Variants in HBS1L observed in about 807,000 individuals in gnomAD.
HBS1L encodes HBS1 like translational GTPase, also known as HBS1-like protein.
Under a neutral mutation model 88.9 loss-of-function variants are expected in HBS1L, and 55 were observed. The ratio of observed to expected loss-of-function variants is 0.62; its 90% CI spans 0.50 to 0.77. The LOEUF is 0.77. Among genes scored for constraint, HBS1L ranks in the 30% least tolerant of loss-of-function variants. The probability of loss-of-function intolerance (pLI) is 0.00; values close to 1 mark genes in which losing one functional copy is unlikely to be tolerated. For missense variants in HBS1L, 741 were observed against 829.3 expected (o/e 0.89, Z 1.31); for synonymous variants, 267 against 288.5 (o/e 0.93, Z 0.76).
intron 4 of HBS1L, among the ~76,000 whole-genome samples, chr6:135,031,280 T>A (rs772313309): frequency 6.6e-6 from 1 of 152,082 alleles, no homozygotes; most frequent in African/African-American, 2.4e-5. Flanking sequence ...ATTCACTGAT[T>A]GATGAAAATG....
At chr6:135,049,821 C>T (rs902177048) in intron 2 of HBS1L, among the ~76,000 whole-genome samples, 7 of 152,252 alleles carry the variant, frequency 4.6e-5, no homozygotes, top group Non-Finnish European at 7.3e-5. Context: ...ATCCACCTGC[C>T]TCGGCCTCCC....
At chr6:134,984,755 G>C (rs1774931612) in intron 12 of HBS1L, among the ~76,000 whole-genome samples, 1 of 152,066 alleles carries the variant, frequency 6.6e-6, no homozygotes, top group African/African-American at 2.4e-5. Flanking sequence ...CTTCCAGCAA[G>C]CTCTGAACCT....
chr6:135,043,281 A>G (rs1262069435), intron 2 of HBS1L, among the ~76,000 whole-genome samples: 1 of 152,260 alleles, frequency 6.6e-6, no homozygotes, highest in Non-Finnish European at 1.5e-5. Context: ...AAATATAGAT[A>G]TAATATTCAA....
chr6:134,997,788 T>A, intron 5 of HBS1L, 132 bp from the exon 6 acceptor site: 1 of 809,128 alleles, frequency 1.2e-6, no homozygotes, highest in Non-Finnish European at 2.0e-6. Context: ...GCTAAGTAGC[T>A]AAAGTCTGTT....
At chr6:134,999,415 T>C (rs183337333) in intron 5 of HBS1L, among the ~76,000 whole-genome samples, 504 of 151,858 alleles carry the variant, frequency 3.3e-3, no homozygotes, top group Non-Finnish European at 4.2e-3. Flanking sequence ...GCTTTCAGGA[T>C]AGCATTTTCA....
At chr6:134,993,474 T>C (rs1256882918) in intron 8 of HBS1L, among the ~76,000 whole-genome samples, 1 of 152,130 alleles carries the variant, frequency 6.6e-6, no homozygotes, top group South Asian at 2.1e-4. Flanking sequence ...AAAGGAAATA[T>C]GAAGCTATAC....
At chr6:134,972,069 T>C (rs908576338) in intron 15 of HBS1L, among the ~76,000 whole-genome samples, 1 of 152,230 alleles carries the variant, frequency 6.6e-6, no homozygotes, top group Non-Finnish European at 1.5e-5. Context: ...CCTTCTGTTA[T>C]GTAACTTGTA....
intron 4 of HBS1L, among the ~76,000 whole-genome samples, chr6:135,025,986 C>G (rs1017712908): frequency 1.2e-4 from 18 of 152,120 alleles, no homozygotes; most frequent in African/African-American, 4.1e-4. Context: ...ATCGAGGTAG[C>G]TAGTTAGCAA....
At chr6:134,972,253 C>T (rs4896119) in intron 15 of HBS1L, among the ~76,000 whole-genome samples, 71,938 of 151,934 alleles carry the variant, frequency 0.47, 17,285 homozygotes, top group South Asian at 0.56. Context: ...CCAAGTAAAT[C>T]ATTTTCCTTA....
rs1008348064 is a variant in HBS1L at position 134,975,039 on chromosome 6, G to T, written c.1797+3640C>A. On this transcript the variant is annotated intron_variant, in intron 15 of 17. Transcript: ENST00000367837. ...AAAGATTCCTCCCAAACAACACCTAGATTTGATAAATGAATTCAGTAAAGT... is the reference window on the plus strand; with the variant it reads ...AAAGATTCCTCCCAAACAACACCTATATTTGATAAATGAATTCAGTAAAGT... Among the ~76,000 whole-genome samples, 5 of 152,106 alleles carry T rather than the reference G, an allele frequency of 3.3e-5. No homozygotes were observed. The South Asian group carries it at 8.3e-4, about 25-fold the overall frequency.
chr6:135,041,502 T>C (rs541268166), intron 3 of HBS1L, among the ~76,000 whole-genome samples: 5 of 152,242 alleles, frequency 3.3e-5, no homozygotes, highest in South Asian at 2.1e-4. Flanking sequence ...AAGTTCTATC[T>C]TGAAACTTAA....
At chr6:134,999,513 T>C (rs1326964092) in intron 5 of HBS1L, among the ~76,000 whole-genome samples, 1 of 147,850 alleles carries the variant, frequency 6.8e-6, no homozygotes, top group East Asian at 2.0e-4. Context: ...AATGGTGCGA[T>C]CTCAGCTCAC....
intron 4 of HBS1L, among the ~76,000 whole-genome samples, chr6:135,004,260 T>TAA (rs11336026): frequency 2.0e-4 from 27 of 134,862 alleles, no homozygotes; most frequent in African/African-American, 6.5e-4. Flanking sequence ...TACTAAATGA[T>TAA]AAAAAAAAAA....
chr6:135,046,582 G>A lies in HBS1L; in HGVS notation c.109+4000C>T, dbSNP rs115534326. Among the ~76,000 whole-genome samples, 1,281 of 152,278 alleles carry A rather than the reference G, an allele frequency of 8.4e-3. 21 individuals are homozygous for A. The highest frequency in any genetic ancestry group is 0.029 in the African/African-American group (1,205 of 41,562). On this transcript the variant is annotated intron_variant, in intron 2 of 17. Coordinates refer to ENST00000367837, the MANE Select transcript of HBS1L (RefSeq NM_006620.4). ...GTTTAAAAATCACCATCCTAGGCTG[G>A]GCATGGTGGCTCACACCTATAATCC...
chr6:135,042,163 G>A (rs1186134189), intron 2 of HBS1L, 37 bp from the exon 3 acceptor site: 3 of 1,541,194 alleles, frequency 1.9e-6, no homozygotes, highest in Non-Finnish European at 8.8e-7. Flanking sequence ...CTATGGTATA[G>A]CCATTTCCTA....
intron 15 of HBS1L, among the ~76,000 whole-genome samples, chr6:134,978,072 A>AATGTCTAGGATCCCCAGACATTTACTGT (rs1420152694): frequency 7.2e-5 from 11 of 152,012 alleles, no homozygotes; most frequent in African/African-American, 2.7e-4. Flanking sequence ...AGCACAACTG[A>AATGTCTAGGATCCCCAGACATTTACTGT]ATGTCTAGGA....
chr6:135,032,857 G>A (rs547709357), intron 4 of HBS1L, among the ~76,000 whole-genome samples: 27 of 151,672 alleles, frequency 1.8e-4, no homozygotes, highest in Non-Finnish European at 3.8e-4. Flanking sequence ...AAGAAAAAGA[G>A]TAAAAGACAA....
intron 4 of HBS1L, chr6:135,036,152 G>T (rs191166379): frequency 1.1e-4 from 87 of 761,720 alleles, no homozygotes; most frequent in Admixed American, 3.7e-4. Context: ...TGCCACATAA[G>T]AATAATCTTC....
chr6:135,025,799 T>C (rs1370957683), intron 4 of HBS1L, among the ~76,000 whole-genome samples: 1 of 152,064 alleles, frequency 6.6e-6, no homozygotes, highest in African/African-American at 2.4e-5. Context: ...ATATCAAATA[T>C]AGCAAAGAAA....
Sources: allele counts gnomAD v4.1 joint callset (sites outside exome capture counted in the v4.1 genomes callset), GRCh38; gene constraint gnomAD v4.1.1; transcripts MANE v1.5; gene names NCBI Gene and HGNC (gene_info 2026-07-23, HGNC 2026-07-21).